The following CDYL variants were observed in gnomAD, a reference collection of about 807,000 sequenced individuals.
CDYL encodes chromodomain Y like.
A neutral mutation model predicts 47.3 loss-of-function variants in CDYL; 8 were observed. The observed-to-expected ratio is 0.17, with a 90% CI of 0.10 to 0.31. The LOEUF (loss-of-function observed/expected upper bound fraction) is 0.31. Among genes scored for constraint, CDYL ranks in the 10% least tolerant of loss-of-function variants. The probability of loss-of-function intolerance (pLI) is 1.00; values close to 1 mark genes in which losing one functional copy is unlikely to be tolerated. For missense variants in CDYL, 471 were observed against 701.4 expected (o/e 0.67, Z 3.71); for synonymous variants, 266 against 265.0 (o/e 1.00, Z -0.04).
intron 1 of CDYL, among the ~76,000 whole-genome samples, chr6:4,865,696 G>A (rs1223285345): frequency 6.6e-6 from 1 of 152,216 alleles, no homozygotes; most frequent in Non-Finnish European, 1.5e-5. Flanking sequence ...TTTTAAGGAG[G>A]AAAGAAGATG....
chr6:4,850,858 G>A (rs892929112), intron 1 of CDYL, among the ~76,000 whole-genome samples: 1 of 152,150 alleles, frequency 6.6e-6, no homozygotes, highest in Non-Finnish European at 1.5e-5. Context: ...TTGAAAAAAT[G>A]TATAATTTGC....
Position 4,857,750 on chromosome 6 carries a change from C to T in CDYL, c.25-33963C>T, listed in dbSNP as rs142677803. Among the ~76,000 whole-genome samples, 38 of 152,280 alleles carry T rather than the reference C, an allele frequency of 2.5e-4. 1 individual carries two copies. The East Asian group carries it at 6.4e-3, about 25-fold the overall frequency. On this transcript the variant is annotated intron_variant, in intron 1 of 6. Transcript: ENST00000397588. ...CATAAGAATATTGTTTCTTGCCATG[C>T]GCTTCTCAGAAAGCTCTGTTGAATT...
intron 1 of CDYL, among the ~76,000 whole-genome samples, chr6:4,815,550 A>T (rs757535730): frequency 5.3e-5 from 8 of 152,138 alleles, no homozygotes; most frequent in Non-Finnish European, 8.8e-5. Flanking sequence ...GTATTTGTTC[A>T]TACTCACAGA....
intron 1 of CDYL, chr6:4,714,064 G>A (rs1430947614): frequency 4.6e-5 from 7 of 152,194 alleles, no homozygotes; most frequent in Non-Finnish European, 1.0e-4. Context: ...ACGTGTGGCT[G>A]TTACCAGCAC....
At chr6:4,898,234 A>G (rs1416103555) in intron 2 of CDYL, among the ~76,000 whole-genome samples, 1 of 152,176 alleles carries the variant, frequency 6.6e-6, no homozygotes, top group African/African-American at 2.4e-5. Flanking sequence ...AAAGAAAAAA[A>G]AACGAAAAGG....
intron 1 of CDYL, among the ~76,000 whole-genome samples, chr6:4,840,592 G>A (rs1196820588): frequency 6.6e-6 from 1 of 152,080 alleles, no homozygotes; most frequent in Non-Finnish European, 1.5e-5. Context: ...ATTTTGCTGA[G>A]GGTTTTAATC....
intron 2 of CDYL, among the ~76,000 whole-genome samples, chr6:4,733,829 C>A (rs1408558203): frequency 2.7e-4 from 40 of 146,562 alleles, no homozygotes; most frequent in Non-Finnish European, 2.1e-4. Context: ...GTTTCTTTTT[C>A]TTTTTCTTTT....
intron 1 of CDYL, among the ~76,000 whole-genome samples, chr6:4,846,457 CATT>C (rs1232644430): frequency 6.6e-6 from 1 of 152,086 alleles, no homozygotes; most frequent in East Asian, 1.9e-4. Flanking sequence ...ATGACAAAAT[CATT>C]ATAATACAAG....
intron 2 of CDYL, among the ~76,000 whole-genome samples, chr6:4,929,511 CACACACACACACACAT>C (rs1757973825): frequency 6.6e-6 from 1 of 151,548 alleles, no homozygotes; most frequent in African/African-American, 2.4e-5. Context: ...CACACACACA[CACACACACACACACAT>C]ACATACACAC....
chr6:4,790,582 G>A (rs1259198004), intron 1 of CDYL, among the ~76,000 whole-genome samples: 3 of 152,158 alleles, frequency 2.0e-5, no homozygotes, highest in African/African-American at 7.2e-5. Context: ...ACACAGAGCA[G>A]ACTTGACTAA....
At chr6:4,816,727 G>C (rs1190022791) in intron 1 of CDYL, among the ~76,000 whole-genome samples, 3 of 151,996 alleles carry the variant, frequency 2.0e-5, no homozygotes, top group Non-Finnish European at 4.4e-5. Flanking sequence ...GAGCTCAAGT[G>C]ATCTGTCCAT....
intron 1 of CDYL, among the ~76,000 whole-genome samples, chr6:4,807,591 C>CTTTTTTTTTTTTTTT (rs70974139): frequency 4.7e-5 from 2 of 42,898 alleles, no homozygotes; most frequent in African/African-American, 1.8e-4. Context: ...TCATTCATGT[C>CTTTTTTTTTTTTTTT]TTTTTTTTTT....
chr6:4,800,227 C>G (rs1011051104), intron 1 of CDYL, among the ~76,000 whole-genome samples: 1 of 151,712 alleles, frequency 6.6e-6, no homozygotes, highest in Non-Finnish European at 1.5e-5. Flanking sequence ...TGCTTTTGTT[C>G]CTCCTCTTTT....
chr6:4,721,245 C>CA (rs1757363568), intron 2 of CDYL, among the ~76,000 whole-genome samples: 1 of 152,070 alleles, frequency 6.6e-6, no homozygotes, highest in South Asian at 2.1e-4. Context: ...CACTATGCAG[C>CA]ACGTAGTCCT....
At chr6:4,818,283 T>C (rs1759729809) in intron 1 of CDYL, among the ~76,000 whole-genome samples, 1 of 151,872 alleles carries the variant, frequency 6.6e-6, no homozygotes, top group South Asian at 2.1e-4. Flanking sequence ...TAAAATAAAA[T>C]AAAATGGAAA....
chr6:4,918,557 G>C (rs1245918185), intron 2 of CDYL, among the ~76,000 whole-genome samples: 1 of 152,172 alleles, frequency 6.6e-6, no homozygotes, highest in Non-Finnish European at 1.5e-5. Context: ...TGATAGGATT[G>C]ATATTGCGTA....
intron 1 of CDYL, among the ~76,000 whole-genome samples, chr6:4,787,765 C>CTTTTTTTT (rs70974136): frequency 7.2e-5 from 5 of 69,430 alleles, no homozygotes; most frequent in African/African-American, 2.3e-4. Context: ...AAATTCAAGT[C>CTTTTTTTT]TTTTTTTTTT....
intron 3 of CDYL, among the ~76,000 whole-genome samples, chr6:4,739,118 GC>G (rs1757752840): frequency 6.6e-6 from 1 of 151,730 alleles, no homozygotes; most frequent in African/African-American, 2.4e-5. Context: ...CCAAGATCAC[GC>G]CATTGCACTC....
At chr6:4,819,310 C>G (rs961996335) in intron 1 of CDYL, among the ~76,000 whole-genome samples, 1 of 151,924 alleles carries the variant, frequency 6.6e-6, no homozygotes, top group Non-Finnish European at 1.5e-5. Flanking sequence ...TTTATTCATA[C>G]TCAACTCATA....
Sources: gnomAD v4.1 joint callset for allele counts (sites outside exome capture counted in the v4.1 genomes callset) on GRCh38, gnomAD v4.1.1 for gene constraint, MANE v1.5 for transcripts, NCBI Gene and HGNC (gene_info 2026-07-23, HGNC 2026-07-21) for gene names.